Variants in CCDC3 observed in about 807,000 individuals in gnomAD.
CCDC3 encodes the protein coiled-coil domain containing 3.
In CCDC3, 24 loss-of-function variants were observed where a neutral mutation model predicts 21.4. The observed-to-expected ratio is 1.12, with a 90% confidence interval of 0.81 to 1.58. The LOEUF is 1.58. Among genes scored for constraint, CCDC3 ranks in the 40% most tolerant of loss-of-function variants. CCDC3 has a pLI of 0.00. For synonymous variants in CCDC3, 186 were observed against 166.0 expected, an observed-to-expected ratio of 1.12 and a Z score of -0.93; for missense variants, 425 against 360.9, an observed-to-expected ratio of 1.18 and a Z score of -1.44.
Position 13,027,617 on chromosome 10 carries a change from G to A in CCDC3, c.-2+22057C>T, listed in dbSNP as rs11258139. On this transcript the variant is annotated intron_variant, in intron 5 of 6. Coordinates refer to the CCDC3 transcript ENST00000378839. ...TCACAGCACTTTTGGAGGCTGAGGCGGGAGGATTGCTTGAGCTTGGGAGTT... is the reference window on the plus strand; with the variant it reads ...TCACAGCACTTTTGGAGGCTGAGGCAGGAGGATTGCTTGAGCTTGGGAGTT... 9.7e-3 allele frequency among the ~76,000 whole-genome samples: 1,477 copies of A among 151,918 alleles called. 16 individuals carry two copies. Among genetic ancestry groups the A allele is most frequent in the African/African-American group, 0.02 (815 of 41,404 alleles).
At chr10:13,042,399 C>A (rs1421136107) in intron 5 of CCDC3, among the ~76,000 whole-genome samples, 1 of 152,222 alleles carries the variant, frequency 6.6e-6, no homozygotes, top group East Asian at 1.9e-4. Context: ...GGGCGGGAGA[C>A]CGCCACAGGA....
intron 2 of CCDC3, among the ~76,000 whole-genome samples, chr10:12,922,751 A>G (rs192525639): frequency 7.8e-4 from 118 of 152,212 alleles, no homozygotes; most frequent in Admixed American, 1.2e-3. Context: ...TCTGAACCTA[A>G]GGAGTGTCAA....
At chr10:12,962,030 G>A (rs976111364) in intron 2 of CCDC3, among the ~76,000 whole-genome samples, 2 of 152,144 alleles carry the variant, frequency 1.3e-5, no homozygotes, top group African/African-American at 4.8e-5. Flanking sequence ...ATAATGGAAC[G>A]TTGCTCTCTG....
intron 4 of CCDC3, among the ~76,000 whole-genome samples, chr10:13,052,034 G>A (rs1243065756): frequency 6.6e-6 from 1 of 152,026 alleles, no homozygotes; most frequent in Non-Finnish European, 1.5e-5. Flanking sequence ...CCCTTTTATG[G>A]GACTTCAGGA....
intron 5 of CCDC3, among the ~76,000 whole-genome samples, chr10:13,019,831 A>C (rs1836122242): frequency 6.6e-6 from 1 of 151,968 alleles, no homozygotes; most frequent in African/African-American, 2.4e-5. Flanking sequence ...CCCCGTCTTT[A>C]CTAAAAGTAC....
At chr10:12,911,395 A>T (rs1156431909) in intron 2 of CCDC3, among the ~76,000 whole-genome samples, 5 of 152,226 alleles carry the variant, frequency 3.3e-5, no homozygotes, top group Non-Finnish European at 7.3e-5. Context: ...AACACATTCT[A>T]AAGCTAATAT....
intron 4 of CCDC3, among the ~76,000 whole-genome samples, chr10:13,073,668 G>A (rs1039314639): frequency 6.6e-6 from 1 of 151,982 alleles, no homozygotes; most frequent in Non-Finnish European, 1.5e-5. Flanking sequence ...CTAATTTTTT[G>A]TAGAGACAGG....
intron 5 of CCDC3, among the ~76,000 whole-genome samples, chr10:13,042,531 T>A (rs978715975): frequency 5.3e-5 from 8 of 152,258 alleles, no homozygotes; most frequent in African/African-American, 2.4e-5. Context: ...CGAATACCTA[T>A]TTTTAAATTC....
intron 2 of CCDC3, among the ~76,000 whole-genome samples, chr10:12,993,703 C>G (rs1353914730): frequency 6.6e-6 from 1 of 152,184 alleles, no homozygotes; most frequent in African/African-American, 2.4e-5. Flanking sequence ...GATATCCCCC[C>G]AAGTCCTATT....
At chr10:12,928,600 T>A (rs77195279) in intron 2 of CCDC3, among the ~76,000 whole-genome samples, 33 of 152,310 alleles carry the variant, frequency 2.2e-4, no homozygotes, top group African/African-American at 7.9e-4. Context: ...CTGGGACTCC[T>A]GTTAGACGTG....
chr10:13,078,104 T>C (rs1484030663), intron 3 of CCDC3, among the ~76,000 whole-genome samples: 1 of 152,184 alleles, frequency 6.6e-6, no homozygotes, highest in Non-Finnish European at 1.5e-5. Flanking sequence ...TTTTACAATC[T>C]ACCCATCTGA....
chr10:12,928,949 C>T (rs1292747256), intron 2 of CCDC3, among the ~76,000 whole-genome samples: 2 of 152,094 alleles, frequency 1.3e-5, no homozygotes, highest in Non-Finnish European at 2.9e-5. Flanking sequence ...AGGGTCTGGG[C>T]AACTGGGATC....
At chr10:12,990,794 T>C (rs771445015) in intron 2 of CCDC3, among the ~76,000 whole-genome samples, 2 of 152,224 alleles carry the variant, frequency 1.3e-5, no homozygotes, top group Non-Finnish European at 2.9e-5. Context: ...GGTCAATGCG[T>C]CATGTTATGA....
intron 3 of CCDC3, among the ~76,000 whole-genome samples, chr10:13,087,657 T>C (rs1837127944): frequency 6.6e-6 from 1 of 151,976 alleles, no homozygotes; most frequent in Admixed American, 6.5e-5. Context: ...CTCCCTACTA[T>C]AAAAGGATAA....
At chr10:13,010,863 G>A (rs1330703494) in intron 5 of CCDC3, among the ~76,000 whole-genome samples, 1 of 152,158 alleles carries the variant, frequency 6.6e-6, no homozygotes, top group African/African-American at 2.4e-5. Context: ...CAATTCATTT[G>A]CTCTCAGAAA....
intron 4 of CCDC3, among the ~76,000 whole-genome samples, chr10:13,056,430 G>A (rs753448056): frequency 1.4e-5 from 2 of 148,084 alleles, no homozygotes; most frequent in Non-Finnish European, 2.9e-5. Flanking sequence ...AAGCAAGTTC[G>A]TGATGGACTA....
chr10:12,957,870 G>A (rs1043440971), intron 2 of CCDC3, among the ~76,000 whole-genome samples: 4 of 152,112 alleles, frequency 2.6e-5, no homozygotes, highest in Non-Finnish European at 4.4e-5. Flanking sequence ...TTGTGAGAAG[G>A]AGCCTCGCTC....
At chr10:12,995,316 A>G (rs1289539912) in intron 2 of CCDC3, among the ~76,000 whole-genome samples, 1 of 152,188 alleles carries the variant, frequency 6.6e-6, no homozygotes, top group Admixed American at 6.5e-5. Flanking sequence ...ATCTCTGCTC[A>G]TTGCAACCTC....
intron 5 of CCDC3, among the ~76,000 whole-genome samples, chr10:13,030,402 G>C (rs994622703): frequency 6.6e-6 from 1 of 152,162 alleles, no homozygotes; most frequent in African/African-American, 2.4e-5. Flanking sequence ...AAATTGTAAA[G>C]ACCATCAATG....
Sources: allele counts gnomAD v4.1 joint callset (sites outside exome capture counted in the v4.1 genomes callset), GRCh38; gene constraint gnomAD v4.1.1; transcripts MANE v1.5; gene names NCBI Gene and HGNC (gene_info 2026-07-23, HGNC 2026-07-21).